The following ABCA3 variants were observed in gnomAD, a reference collection of about 807,000 sequenced individuals.
ABCA3 encodes phospholipid-transporting ATPase ABCA3.
Under a neutral mutation model 172.8 loss-of-function variants are expected in ABCA3, and 88 were observed. That is an observed-to-expected ratio of 0.51 (90% CI 0.43 to 0.61). The LOEUF (loss-of-function observed/expected upper bound fraction) is 0.61, where lower values mean the gene tolerates loss of function less well. ABCA3 is among the 20% of genes least tolerant of loss of function. ABCA3 has a pLI of 0.00. For missense variants in ABCA3, 2,164 were observed against 2,301.0 expected, an observed-to-expected ratio of 0.94 and a Z score of 1.22; for synonymous variants, 1,066 against 983.8, an observed-to-expected ratio of 1.08 and a Z score of -1.56.
chr16:2,283,457 CCTGTA>C lies in ABCA3; in HGVS notation c.3863-104_3863-100del. The C allele has an allele frequency of 1.4e-6, 2 of 1,402,592 alleles. No individual in the cohort carries two copies. The highest frequency in any genetic ancestry group is 1.9e-6 in the Non-Finnish European group (2 of 1,026,396). 86.9% of individuals were successfully genotyped at this position (1,402,592 alleles called of 1,614,324 possible). A position where few individuals can be genotyped will look rare whatever the true frequency, so the allele number is the denominator to read the frequency against. Reference sequence around the variant, plus strand: ...TCCCCTCCCCAGGCTGCTCAAGGCGCCTGTAACAATGTCCCCTCCATGGGGAGATG... The same window carrying C: ...TCCCCTCCCCAGGCTGCTCAAGGCGCACAATGTCCCCTCCATGGGGAGATG... On this transcript the variant is annotated intron_variant, in intron 25 of 32. Transcript: ENST00000301732. The surrounding 1 kb of genome is among the most constrained non-coding windows in gnomAD (Gnocchi z 5.4).
At chr16:2,302,912 C>T (rs1415442666) in intron 12 of ABCA3, among the ~76,000 whole-genome samples, 4 of 152,000 alleles carry the variant, frequency 2.6e-5, no homozygotes, top group African/African-American at 9.7e-5. Flanking sequence ...GCCTCAGCCT[C>T]CCAAGTAGCT....
intron 13 of ABCA3, among the ~76,000 whole-genome samples, 193 bp from the exon 14 acceptor site, chr16:2,299,725 C>T (rs1244882291): frequency 1.3e-5 from 2 of 152,212 alleles, no homozygotes; most frequent in Non-Finnish European, 1.5e-5. Flanking sequence ...AGCCCCAACA[C>T]GTCCCAGACA....
At chr16:2,339,536 T>C (rs981666168) in intron 1 of ABCA3, among the ~76,000 whole-genome samples, 1 of 152,190 alleles carries the variant, frequency 6.6e-6, no homozygotes, top group Admixed American at 6.5e-5. Flanking sequence ...TTTTCAAGTT[T>C]ACAAAAGGCA....
At chr16:2,333,242 T>C (rs1281717914) in intron 1 of ABCA3, among the ~76,000 whole-genome samples, 1 of 152,172 alleles carries the variant, frequency 6.6e-6, no homozygotes, top group Non-Finnish European at 1.5e-5. Flanking sequence ...TTACGCCATG[T>C]GTTCCTGTTG....
intron 1 of ABCA3, chr16:2,332,235 T>C: frequency 5.4e-6 from 2 of 367,410 alleles, no homozygotes; most frequent in Non-Finnish European, 5.0e-6. Context: ...CTCCATTTCT[T>C]TTTTTTTTTT....
intron 1 of ABCA3, among the ~76,000 whole-genome samples, chr16:2,338,608 C>T (rs975704406): frequency 6.6e-6 from 1 of 152,144 alleles, no homozygotes; most frequent in Non-Finnish European, 1.5e-5. Flanking sequence ...TCTCCTCCAC[C>T]TCTGGTCACC....
At chr16:2,339,574 G>A (rs977386608) in intron 1 of ABCA3, among the ~76,000 whole-genome samples, 1 of 152,172 alleles carries the variant, frequency 6.6e-6, no homozygotes, top group Non-Finnish European at 1.5e-5. Context: ...ATAAAATGAC[G>A]GGATGCCCAG....
chr16:2,281,260 T>C lies in ABCA3; in HGVS notation c.4165-39A>G, dbSNP rs753024204. 2 of 1,613,222 alleles carry C rather than the reference T, an allele frequency of 1.2e-6. No individual in the cohort carries two copies. Among genetic ancestry groups the C allele is most frequent in the East Asian group, 2.2e-5 (1 of 44,886 alleles). ...ACAGAAAACACGGAATGCGGAGGCCTGGACGCAAAGCAGAGCAGTCTGAGC... is the reference window on the plus strand; with the variant it reads ...ACAGAAAACACGGAATGCGGAGGCCCGGACGCAAAGCAGAGCAGTCTGAGC... On this transcript the variant is annotated intron_variant, in intron 27 of 32. Coordinates refer to ENST00000301732, the MANE Select transcript of ABCA3 (RefSeq NM_001089.3). This position sits in a 1 kb window ranked among gnomAD's most constrained non-coding sequence, Gnocchi z 4.7.
Position 2,284,210 on chromosome 16 carries a change from G to C in ABCA3, c.3862+69C>G. The C allele has an allele frequency of 6.5e-7, 1 of 1,544,260 alleles. No individual in the cohort carries two copies. Among genetic ancestry groups the C allele is most frequent in the Non-Finnish European group, 8.8e-7 (1 of 1,140,848 alleles). On this transcript the variant is annotated intron_variant, in intron 25 of 32. Transcript: ENST00000301732. The surrounding 1 kb of genome is among the most constrained non-coding windows in gnomAD (Gnocchi z 5.9). ...ACGCAGAGGAGCCCCTGCCCTAGGA[G>C]GCCCCTCTGCAGTGACCACGTCCTG...
chr16:2,310,322 C>T (rs564712476), intron 10 of ABCA3, among the ~76,000 whole-genome samples: 3 of 151,764 alleles, frequency 2.0e-5, no homozygotes, highest in African/African-American at 4.8e-5. Flanking sequence ...GCAGGAGCAT[C>T]GCTTGAACCC....
rs1555491128 is a variant in ABCA3 at position 2,335,302 on chromosome 16, A to ACTTG, written c.-539+5270_-539+5271insCAAG. 1.2e-4 allele frequency among the ~76,000 whole-genome samples: 19 copies of ACTTG among 152,024 alleles called. No homozygotes were observed. In the South Asian group the frequency reaches 3.7e-3, roughly 30 times the overall value. ...AAATGTGAAAAAAATGGCTTCACTGATTTGTTTGTTTGTTTGTTTGTTTCC... is the reference window on the plus strand; with the variant it reads ...AAATGTGAAAAAAATGGCTTCACTGACTTGTTTGTTTGTTTGTTTGTTTGTTTCC... On this transcript the variant is annotated intron_variant, in intron 1 of 32. Transcript: ENST00000301732.
At chr16:2,298,857 T>C (rs1243531907) in intron 14 of ABCA3, among the ~76,000 whole-genome samples, 2 of 152,058 alleles carry the variant, frequency 1.3e-5, no homozygotes, top group East Asian at 1.9e-4. Context: ...CTTTGGTGCT[T>C]GGGGAAGACA....
At chr16:2,312,008 G>A (rs553886643) in intron 10 of ABCA3, among the ~76,000 whole-genome samples, 5 of 152,242 alleles carry the variant, frequency 3.3e-5, no homozygotes, top group Admixed American at 6.5e-5. Flanking sequence ...GCATTAGTTC[G>A]TTTGGAAAAT....
intron 12 of ABCA3, 53 bp from the exon 13 acceptor site, chr16:2,300,201 A>C: frequency 6.2e-7 from 1 of 1,610,490 alleles, no homozygotes; most frequent in Non-Finnish European, 8.5e-7. Flanking sequence ...CGAGCAAAGC[A>C]ACAACCAGCA....
intron 1 of ABCA3, among the ~76,000 whole-genome samples, chr16:2,336,124 G>A (rs928488631): frequency 3.3e-5 from 5 of 152,304 alleles, no homozygotes; most frequent in Admixed American, 1.3e-4. Context: ...CAAGAATAGA[G>A]CATTTGTGAA....
chr16:2,288,862 G>C (rs929919224), intron 20 of ABCA3, among the ~76,000 whole-genome samples: 1 of 152,056 alleles, frequency 6.6e-6, no homozygotes, highest in Admixed American at 6.6e-5. Context: ...CTGTTTCATT[G>C]TCTCAGGACA....
At chr16:2,305,167 T>C (rs2093695652) in intron 11 of ABCA3, among the ~76,000 whole-genome samples, 1 of 152,074 alleles carries the variant, frequency 6.6e-6, no homozygotes, top group South Asian at 2.1e-4. Flanking sequence ...AGAGTCTTGC[T>C]CTGTCACCCA....
At chr16:2,329,535 AAG>A (rs1441699308) in intron 2 of ABCA3, 111 bp downstream of exon 2, 23 of 152,386 alleles carry the variant, frequency 1.5e-4, no homozygotes, top group African/African-American at 5.5e-4. Flanking sequence ...CAAGAAAGGA[AAG>A]ATCCCCATGC....
chr16:2,326,825 T>C (rs547698286), intron 3 of ABCA3, among the ~76,000 whole-genome samples: 2 of 152,094 alleles, frequency 1.3e-5, no homozygotes, highest in South Asian at 2.1e-4. Flanking sequence ...CCGTCTCTAC[T>C]GAAAATACAA....
Sources: allele counts gnomAD v4.1 joint callset (sites outside exome capture counted in the v4.1 genomes callset), GRCh38; gene constraint gnomAD v4.1.1; non-coding constraint Gnocchi (gnomAD v3.1); transcripts MANE v1.5; gene names NCBI Gene and HGNC (gene_info 2026-07-23, HGNC 2026-07-21).